The following MTR variants were observed in gnomAD, a reference collection of about 807,000 sequenced individuals.
The protein encoded by MTR is methionine synthase.
In MTR, 84 loss-of-function variants were observed where a neutral mutation model predicts 154.8. The observed-to-expected ratio is 0.54, with a 90% CI of 0.45 to 0.65. The LOEUF is 0.65. Ranked by LOEUF, MTR falls within the 30% of genes least tolerant of loss-of-function variation. The pLI is 0.00. For missense variants in MTR, 1,275 were observed against 1,570.2 expected, an observed-to-expected ratio of 0.81 and a Z score of 3.18; for synonymous variants, 554 against 553.9, an observed-to-expected ratio of 1.00 and a Z score of 0.00.
rs777583638 is a variant in MTR, at chr1:236,859,854, A to G, written c.1975A>G (p.Lys659Glu). Reference protein sequence around the residue: ...YAQTQGTGGKKVIQTDEWRNG... With the variant: ...YAQTQGTGGKEVIQTDEWRNG... ...TCAGACTCAAGGCACAGGAGGGAAGAAAGTCATTCAGACTGATGAGTGGAG... is the reference window on the plus strand; with the variant it reads ...TCAGACTCAAGGCACAGGAGGGAAGGAAGTCATTCAGACTGATGAGTGGAG... Residue 659 changes from lysine to glutamate, a missense_variant, in exon 19 of 33, where the codon AAA becomes GAA. Physicochemically the swap from Lys to Glu is moderately conservative, Grantham distance 56. Transcript: ENST00000366577. 1 of 1,613,920 alleles carries G rather than the reference A, an allele frequency of 6.2e-7. No individual in the cohort carries two copies. The highest frequency in any genetic ancestry group is 2.2e-5 in the East Asian group (1 of 44,892).
Position 236,898,441 on chromosome 1 carries a change from C to T in MTR, c.*797C>T, listed in dbSNP as rs1234405015. The T allele has an allele frequency of 2.0e-5, 3 of 151,552 alleles. No individual in the cohort carries two copies. Among genetic ancestry groups the T allele is most frequent in the Admixed American group, 6.6e-5 (1 of 15,228 alleles). The allele number at this position is 151,552 out of a possible 1,614,324, so 9.4% of individuals were successfully genotyped here. A position where few individuals can be genotyped will look rare whatever the true frequency, so the allele number is the denominator to read the frequency against. The stretch of plus-strand genomic sequence containing the variant: ...TTGAGACAGAGTCTGGCTCTGTCGC[C>T]CAGGCTGGAGTGCAGGGGCGCAATC... On this transcript the variant is annotated 3_prime_UTR_variant, in exon 33 of 33. Coordinates refer to ENST00000366577, the MANE Select transcript of MTR (RefSeq NM_000254.3).
In MTR at chr1:236,866,870, T is replaced by A. The variant is rs373136720; in HGVS notation, c.2405+3316T>A. Among the ~76,000 whole-genome samples the A allele has an allele frequency of 3.1e-4, 47 of 152,316 alleles. No homozygotes were observed. The South Asian group carries it at 8.7e-3, about 28-fold the overall frequency. On this transcript the variant is annotated intron_variant, in intron 22 of 32. Coordinates refer to ENST00000366577, the MANE Select transcript of MTR (RefSeq NM_000254.3). Reference sequence around the variant, plus strand: ...AACAAATTGAAGAGAGCTCCAACCGTCTTCAATTTTGTGAAGGCTGAGAGA... The same window carrying A: ...AACAAATTGAAGAGAGCTCCAACCGACTTCAATTTTGTGAAGGCTGAGAGA...
At position 236,894,368 on chromosome 1, in the gene MTR, C is replaced by T; in HGVS notation, c.3216C>T (p.Asp1072=). ...TCCTTGGTTTTAAGGCTGAGAAGGACTCTGCCAGCACGGAGCCATACTACT... is the reference window on the plus strand; with the variant it reads ...TCCTTGGTTTTAAGGCTGAGAAGGATTCTGCCAGCACGGAGCCATACTACT... ...FYGLRQQAEK[D]SASTEPYYCL... Residue 1072 remains aspartate, a synonymous_variant, in exon 30 of 33, where the codon GAC becomes GAT. Transcript: ENST00000366577. 1.9e-6 allele frequency: 3 copies of T among 1,614,228 alleles called. No homozygotes were observed. Among genetic ancestry groups the T allele is most frequent in the Non-Finnish European group, 2.5e-6 (3 of 1,180,030 alleles).
intron 24 of MTR, 122 bp downstream of exon 24, chr1:236,874,968 A>G (rs983483951): frequency 1.5e-4 from 163 of 1,111,466 alleles, no homozygotes; most frequent in East Asian, 3.1e-4. Flanking sequence ...ACTTTTTGTT[A>G]TATAAACACA....
At position 236,820,309 on chromosome 1, in the gene MTR, G is replaced by A; in HGVS notation, c.764+3766G>A. On this transcript the variant is annotated intron_variant, in intron 8 of 32. Coordinates refer to ENST00000366577, the MANE Select transcript of MTR (RefSeq NM_000254.3). ...TACTGAAAAGACTGTGACCAAGGAG[G>A]AGTTTCAGGGTGAATGGACTGCTCC... is the stretch of plus-strand genomic sequence containing the variant. 4 of 753,272 alleles carry A rather than the reference G, an allele frequency of 5.3e-6. No homozygotes were observed. In the South Asian group the frequency reaches 5.4e-5, roughly 10 times the overall value. 46.7% of individuals were successfully genotyped at this position (753,272 alleles called of 1,614,324 possible).
intron 32 of MTR, among the ~76,000 whole-genome samples, 160 bp downstream of exon 32, chr1:236,897,278 A>C (rs1666677364): frequency 1.8e-5 from 2 of 114,056 alleles, no homozygotes. Flanking sequence ...CCTCTATTCT[A>C]GCCCTCACTT....
chr1:236,798,925 G>A (rs886472613), intron 1 of MTR, among the ~76,000 whole-genome samples: 6 of 152,150 alleles, frequency 3.9e-5, no homozygotes, highest in Admixed American at 6.5e-5. Flanking sequence ...TTGGAAACTG[G>A]TGAATTAGAA....
At chr1:236,834,656 C>T (rs1662801954) in intron 13 of MTR, among the ~76,000 whole-genome samples, 1 of 151,758 alleles carries the variant, frequency 6.6e-6, no homozygotes, top group Non-Finnish European at 1.5e-5. Flanking sequence ...ATATCAGCAT[C>T]TACTATTGAT....
At chr1:236,841,396 T>C (rs61831822) in intron 15 of MTR, among the ~76,000 whole-genome samples, 53,705 of 152,084 alleles carry the variant, frequency 0.35, 10,294 homozygotes, top group East Asian at 0.43. Context: ...TTGTTTGCAT[T>C]GTTTTCTATG....
chr1:236,895,220 T>G, intron 30 of MTR, 138 bp from the exon 31 acceptor site: 3 of 969,678 alleles, frequency 3.1e-6, no homozygotes, highest in Non-Finnish European at 4.8e-6. Context: ...CCAGCCTGTT[T>G]CCTCTTGTCA....
chr1:236,883,342 G>A (rs944955274), intron 25 of MTR, among the ~76,000 whole-genome samples: 1 of 152,182 alleles, frequency 6.6e-6, no homozygotes, highest in Non-Finnish European at 1.5e-5. Context: ...GTCAGACTGG[G>A]CCAGAAGGGG....
At chr1:236,895,606 C>A in intron 31 of MTR, 56 bp downstream of exon 31, 3 of 1,522,628 alleles carry the variant, frequency 2.0e-6, no homozygotes, top group South Asian at 1.2e-5. Context: ...ATACTCTTAT[C>A]AGCATACTGG....
At chr1:236,854,677 T>C (rs1268767307) in intron 18 of MTR, among the ~76,000 whole-genome samples, 1 of 152,222 alleles carries the variant, frequency 6.6e-6, no homozygotes, top group Non-Finnish European at 1.5e-5. Context: ...TTTTCCCTGA[T>C]CTATCCAGAG....
Position 236,897,308 on chromosome 1 carries a change from A to ATGCGCGCGCGCGCGCGCGCG in MTR, c.3711+190_3711+191insTGCGCGCGCGCGCGCGCGCG, listed in dbSNP as rs57608445. On this transcript the variant is annotated intron_variant, in intron 32 of 32. Transcript: ENST00000366577. ...TCACTTCTACATGCAAGCCACACAC[A>ATGCGCGCGCGCGCGCGCGCG]CGCACACACACACACACACACACAC... Among the ~76,000 whole-genome samples, 116 of 131,466 alleles carry ATGCGCGCGCGCGCGCGCGCG rather than the reference A, an allele frequency of 8.8e-4. 2 individuals carry two copies. The highest frequency in any genetic ancestry group is 1.5e-3 in the South Asian group (6 of 3,910). The allele number at this position is 131,466 out of a possible 152,430, so 86.2% of individuals were successfully genotyped here. A position where few individuals can be genotyped will look rare whatever the true frequency, so the allele number is the denominator to read the frequency against.
intron 1 of MTR, among the ~76,000 whole-genome samples, chr1:236,799,485 C>T (rs1462755194): frequency 6.6e-6 from 1 of 152,142 alleles, no homozygotes; most frequent in Non-Finnish European, 1.5e-5. Context: ...TGCAAAATTC[C>T]TGTGTTTTAT....
Position 236,795,343 on chromosome 1 carries a change from G to A in MTR, c.-361G>A, listed in dbSNP as rs771674871. On this transcript the variant is annotated 5_prime_UTR_variant, in exon 1 of 33. Coordinates refer to ENST00000366577, the MANE Select transcript of MTR (RefSeq NM_000254.3). Reference sequence around the variant, plus strand: ...TAAATGTCTGCGGGGCTCAGAGCCGGATGTCACGTCGTCCTCCTCTGCCGG... The same window carrying A: ...TAAATGTCTGCGGGGCTCAGAGCCGAATGTCACGTCGTCCTCCTCTGCCGG... 1.5e-5 allele frequency: 20 copies of A among 1,322,538 alleles called. 1 individual carries two copies. The highest frequency in any genetic ancestry group is 4.1e-4 in the Middle Eastern group (2 of 4,926). 81.9% of individuals were successfully genotyped at this position (1,322,538 alleles called of 1,614,324 possible). A position where few individuals can be genotyped will look rare whatever the true frequency, so the allele number is the denominator to read the frequency against.
chr1:236,869,370 G>GT lies in MTR; in HGVS notation c.2406-4396dup, dbSNP rs565337767. ...TCTATTCTAAGCACTTAAAAAAAGA[G>GT]TTTTTTTGTAGAGACAAAGTCTCGC... On this transcript the variant is annotated intron_variant, in intron 22 of 32. Coordinates refer to ENST00000366577, the MANE Select transcript of MTR (RefSeq NM_000254.3). 2.6e-4 allele frequency among the ~76,000 whole-genome samples: 39 copies of GT among 152,120 alleles called. No homozygotes were observed. The South Asian group carries it at 2.7e-3, about 11-fold the overall frequency.
intron 15 of MTR, among the ~76,000 whole-genome samples, chr1:236,848,011 A>G (rs921990882): frequency 1.1e-4 from 17 of 152,192 alleles, no homozygotes; most frequent in African/African-American, 3.6e-4. Context: ...CTGTACACCA[A>G]TGCCGTGTTC....
At chr1:236,845,727 T>C (rs144313896) in intron 15 of MTR, among the ~76,000 whole-genome samples, 134 of 152,346 alleles carry the variant, frequency 8.8e-4, no homozygotes, top group African/African-American at 2.9e-3. Flanking sequence ...GAGCAGCATG[T>C]ATGCTCACTG....
Sources: allele counts gnomAD v4.1 joint callset (sites outside exome capture counted in the v4.1 genomes callset), GRCh38; gene constraint gnomAD v4.1.1; transcripts MANE v1.5; gene names NCBI Gene and HGNC (gene_info 2026-07-23, HGNC 2026-07-21).